PTPRN2: variants seen among roughly 807,000 people sequenced by gnomAD.
PTPRN2 encodes protein tyrosine phosphatase receptor type N2, also known as receptor-type tyrosine-protein phosphatase N2.
PTPRN2 carries 74 observed loss-of-function variants against 118.8 expected under a neutral mutation model. The observed-to-expected ratio is 0.62, with a 90% CI of 0.52 to 0.76. The LOEUF (loss-of-function observed/expected upper bound fraction) is 0.76, where lower values mean the gene tolerates loss of function less well. Among genes scored for constraint, PTPRN2 ranks in the 30% least tolerant of loss-of-function variants. PTPRN2 has a pLI of 0.00. For synonymous variants in PTPRN2, 641 were observed against 608.0 expected (o/e 1.05, Z -0.80); for missense variants, 1,481 against 1,394.4 (o/e 1.06, Z -0.99).
chr7:157,847,532 C>T (rs1808934512), intron 12 of PTPRN2, among the ~76,000 whole-genome samples: 1 of 136,752 alleles, frequency 7.3e-6, no homozygotes, highest in Non-Finnish European at 1.6e-5. Context: ...TCTACAGAGC[C>T]CTCTCTCACT....
intron 9 of PTPRN2, among the ~76,000 whole-genome samples, chr7:158,130,502 CAACA>C (rs1332834112): frequency 2.0e-5 from 3 of 150,804 alleles, no homozygotes; most frequent in Non-Finnish European, 4.4e-5. Flanking sequence ...AACTTCTACC[CAACA>C]CACACACTCA....
chr7:158,244,801 TGTGTGTGAGA>T (rs1796106346), intron 3 of PTPRN2, among the ~76,000 whole-genome samples: 1 of 145,118 alleles, frequency 6.9e-6, no homozygotes, highest in Non-Finnish European at 1.5e-5. Flanking sequence ...GAGTGTGAGT[TGTGTGTGAGA>T]GTGTGTATGA....
At chr7:158,415,195 A>G (rs746004792) in intron 2 of PTPRN2, among the ~76,000 whole-genome samples, 21 of 152,266 alleles carry the variant, frequency 1.4e-4, no homozygotes, top group Middle Eastern at 3.4e-3. Context: ...TTCCCAATTA[A>G]TCTTTACTCT....
chr7:158,586,766 G>C, intron 1 of PTPRN2, among the ~76,000 whole-genome samples: 1 of 152,200 alleles, frequency 6.6e-6, no homozygotes, highest in Non-Finnish European at 1.5e-5. Flanking sequence ...GGGGGGGTGC[G>C]GGGGACGCAG....
At chr7:157,950,830 A>T (rs1361925950) in intron 11 of PTPRN2, among the ~76,000 whole-genome samples, 2 of 152,202 alleles carry the variant, frequency 1.3e-5, no homozygotes, top group East Asian at 3.9e-4. Context: ...CTGAACCAGG[A>T]AAGTGAGGTG....
intron 12 of PTPRN2, among the ~76,000 whole-genome samples, chr7:157,843,706 T>C (rs973126228): frequency 6.6e-6 from 1 of 152,370 alleles, no homozygotes; most frequent in African/African-American, 2.4e-5. Flanking sequence ...TCTTGCTTTC[T>C]TTCCAGCGTG....
chr7:158,474,491 G>A (rs764115763), intron 2 of PTPRN2, among the ~76,000 whole-genome samples: 4 of 152,250 alleles, frequency 2.6e-5, no homozygotes, highest in Non-Finnish European at 4.4e-5. Flanking sequence ...CAACCCAGCA[G>A]ATAAAAGGGA....
At chr7:158,413,756 G>T (rs1814397667) in intron 2 of PTPRN2, among the ~76,000 whole-genome samples, 1 of 152,232 alleles carries the variant, frequency 6.6e-6, no homozygotes, top group Admixed American at 6.5e-5. Context: ...CGGGTGCTGG[G>T]GAGCCTGTGG....
intron 11 of PTPRN2, among the ~76,000 whole-genome samples, chr7:157,920,197 GA>G (rs1798621625): frequency 6.6e-6 from 1 of 152,100 alleles, no homozygotes. Context: ...TATGAACAAA[GA>G]AAATAAAAAT....
rs182015636 is a variant in PTPRN2 at position 158,470,157 on chromosome 7, T to C, written c.163+19578A>G. Among the ~76,000 whole-genome samples, 7 of 152,378 alleles carry C rather than the reference T, an allele frequency of 4.6e-5. No homozygotes were observed. The East Asian group carries it at 7.7e-4, about 17-fold the overall frequency. ...GAAATAAAAGAATCTCATTTGGACATAGTTTATAAGCAAATATGGTTATAG... is the reference window on the plus strand; with the variant it reads ...GAAATAAAAGAATCTCATTTGGACACAGTTTATAAGCAAATATGGTTATAG... On this transcript the variant is annotated intron_variant, in intron 2 of 22. Transcript: ENST00000389418.
chr7:158,557,787 T>C (rs1827143514), intron 1 of PTPRN2, among the ~76,000 whole-genome samples: 1 of 152,006 alleles, frequency 6.6e-6, no homozygotes, highest in Non-Finnish European at 1.5e-5. Context: ...GCCAATGTGG[T>C]CAGGAAGGAA....
intron 14 of PTPRN2, among the ~76,000 whole-genome samples, chr7:157,637,803 T>C (rs1256832767): frequency 6.6e-6 from 1 of 152,212 alleles, no homozygotes; most frequent in African/African-American, 2.4e-5. Flanking sequence ...CGCTCCCAAG[T>C]AGCAGGTCTT....
chr7:157,555,823 A>T (rs1313829491), intron 21 of PTPRN2, among the ~76,000 whole-genome samples: 2 of 152,258 alleles, frequency 1.3e-5, no homozygotes, highest in African/African-American at 4.8e-5. Context: ...AACTAAATGC[A>T]TTCAAATACA....
At chr7:158,155,577 C>CCATCACCACCATCAGCACTAT (rs1821677388) in intron 6 of PTPRN2, among the ~76,000 whole-genome samples, 37 of 9,662 alleles carry the variant, frequency 3.8e-3, no homozygotes, top group East Asian at 0.015. Context: ...GCCATCATCA[C>CCATCACCACCATCAGCACTAT]CATCACCATC....
chr7:157,941,437 T>A, intron 11 of PTPRN2, among the ~76,000 whole-genome samples: 1 of 136,492 alleles, frequency 7.3e-6, no homozygotes, highest in Admixed American at 7.3e-5. Context: ...ACTGCAAATC[T>A]AACATCCTCC....
chr7:157,557,202 C>T (rs963120554), intron 21 of PTPRN2, among the ~76,000 whole-genome samples: 2 of 151,772 alleles, frequency 1.3e-5, no homozygotes, highest in South Asian at 4.2e-4. Context: ...ACAACACACA[C>T]ACCCCACTTA....
At chr7:158,440,816 T>TG (rs1816965902) in intron 2 of PTPRN2, among the ~76,000 whole-genome samples, 1 of 53,736 alleles carries the variant, frequency 1.9e-5, no homozygotes, top group Non-Finnish European at 4.9e-5. Context: ...ATGGTGGTAG[T>TG]AGTAGTGGTG....
chr7:157,608,868 TC>T (rs1802163214), intron 15 of PTPRN2, among the ~76,000 whole-genome samples: 2 of 152,012 alleles, frequency 1.3e-5, no homozygotes, highest in Non-Finnish European at 2.9e-5. Context: ...GGGTGAGAAT[TC>T]ATAACAGCCT....
At chr7:158,039,180 G>A (rs761694764) in intron 11 of PTPRN2, among the ~76,000 whole-genome samples, 15 of 152,202 alleles carry the variant, frequency 9.9e-5, no homozygotes, top group Admixed American at 7.9e-4. Flanking sequence ...AGGTATCTGC[G>A]TGGATAAATC....
Sources: gnomAD v4.1 joint callset for allele counts (sites outside exome capture counted in the v4.1 genomes callset) on GRCh38, gnomAD v4.1.1 for gene constraint, MANE v1.5 for transcripts, NCBI Gene and HGNC (gene_info 2026-07-23, HGNC 2026-07-21) for gene names.